ANKRD44: variants seen among roughly 807,000 people sequenced by gnomAD.
ANKRD44 encodes serine/threonine-protein phosphatase 6 regulatory ankyrin repeat subunit B.
In ANKRD44, 35 loss-of-function variants were observed where a neutral mutation model predicts 116.0. The ratio of observed to expected loss-of-function variants is 0.30; its 90% CI spans 0.23 to 0.40. ANKRD44 has a LOEUF of 0.40. Ranked by LOEUF, ANKRD44 falls within the 10% of genes least tolerant of loss-of-function variation. ANKRD44 has a pLI of 1.00. For synonymous variants in ANKRD44, 435 were observed against 461.8 expected, an observed-to-expected ratio of 0.94 and a Z score of 0.74; for missense variants, 1,014 against 1,242.6, an observed-to-expected ratio of 0.82 and a Z score of 2.77.
At chr2:197,277,426 G>A (rs2083123773) in intron 1 of ANKRD44, among the ~76,000 whole-genome samples, 2 of 152,108 alleles carry the variant, frequency 1.3e-5, no homozygotes, top group African/African-American at 2.4e-5. Context: ...TGGAGGAGGT[G>A]TCTTGCAAAG....
intron 16 of ANKRD44, among the ~76,000 whole-genome samples, chr2:197,040,484 A>C (rs1325452675): frequency 7.3e-6 from 1 of 136,798 alleles, no homozygotes; most frequent in Non-Finnish European, 1.5e-5. Context: ...TCAAGTGATT[A>C]TCCTGCCTCA....
At chr2:197,069,101 T>C (rs961087852) in intron 16 of ANKRD44, among the ~76,000 whole-genome samples, 1 of 152,146 alleles carries the variant, frequency 6.6e-6, no homozygotes, top group African/African-American at 2.4e-5. Flanking sequence ...ACATACACCA[T>C]GGAATACTAT....
At chr2:197,084,903 T>C (rs2077885152) in intron 13 of ANKRD44, among the ~76,000 whole-genome samples, 2 of 152,296 alleles carry the variant, frequency 1.3e-5, no homozygotes, top group South Asian at 4.1e-4. Context: ...CATGTATAAA[T>C]CATTTAGTTT....
At chr2:197,103,664 C>G (rs1277818033) in intron 9 of ANKRD44, among the ~76,000 whole-genome samples, 1 of 152,070 alleles carries the variant, frequency 6.6e-6, no homozygotes, top group African/African-American at 2.4e-5. Flanking sequence ...TGATACATTT[C>G]TTTTAAGTAC....
intron 11 of ANKRD44, 23 bp downstream of exon 11, chr2:197,089,927 T>A: frequency 6.2e-7 from 1 of 1,606,702 alleles, no homozygotes; most frequent in South Asian, 1.1e-5. Flanking sequence ...TTAAGCCTCA[T>A]CTCTGCTAAC....
intron 1 of ANKRD44, among the ~76,000 whole-genome samples, chr2:197,280,890 T>G (rs573533074): frequency 1.3e-5 from 2 of 152,214 alleles, no homozygotes; most frequent in Non-Finnish European, 2.9e-5. Flanking sequence ...AGATGTTGTT[T>G]GTCTTTACTT....
In ANKRD44 at chr2:196,971,597, T is replaced by C. The variant is rs1311582809; in HGVS notation, c.2369-4151A>G. On this transcript the variant is annotated intron_variant, in intron 21 of 21. Transcript: ENST00000424317. Reference sequence around the variant, plus strand: ...ATTACATTAAGATTTTCTTGAGTTTTTTCTACTACCAAAAAATGCAATAAA... The same window carrying C: ...ATTACATTAAGATTTTCTTGAGTTTCTTCTACTACCAAAAAATGCAATAAA... Among the ~76,000 whole-genome samples, 7 of 152,326 alleles carry C rather than the reference T, an allele frequency of 4.6e-5. No individual in the cohort carries two copies. The East Asian group carries it at 1.3e-3, about 29-fold the overall frequency.
intron 1 of ANKRD44, among the ~76,000 whole-genome samples, chr2:197,217,512 T>C (rs2081477750): frequency 6.6e-6 from 1 of 152,212 alleles, no homozygotes; most frequent in African/African-American, 2.4e-5. Flanking sequence ...TAGACTCTCC[T>C]GCAGAGGCAG....
intron 6 of ANKRD44, 141 bp downstream of exon 6, chr2:197,125,240 A>G (rs557434316): frequency 1.3e-6 from 1 of 755,612 alleles, no homozygotes; most frequent in Admixed American, 2.3e-5. Context: ...CATGCCAGTA[A>G]AACCAACCAA....
chr2:197,152,674 G>C (rs1254272276), intron 2 of ANKRD44, among the ~76,000 whole-genome samples: 5 of 152,210 alleles, frequency 3.3e-5, no homozygotes, highest in Admixed American at 6.5e-5. Context: ...AGTTTGACAT[G>C]GGCAGAGAGG....
chr2:197,225,570 C>T (rs2081688415), intron 1 of ANKRD44, among the ~76,000 whole-genome samples: 1 of 152,196 alleles, frequency 6.6e-6, no homozygotes, highest in Non-Finnish European at 1.5e-5. Flanking sequence ...TTTTGAACTC[C>T]TGACCTCAAG....
chr2:197,303,361 A>G (rs1357118230), intron 1 of ANKRD44, among the ~76,000 whole-genome samples: 1 of 152,250 alleles, frequency 6.6e-6, no homozygotes, highest in Non-Finnish European at 1.5e-5. Flanking sequence ...GAAGGCCAGG[A>G]CTTACCCCAA....
intron 21 of ANKRD44, among the ~76,000 whole-genome samples, chr2:196,978,730 C>T (rs935644192): frequency 1.3e-5 from 2 of 151,192 alleles, no homozygotes; most frequent in Non-Finnish European, 2.9e-5. Flanking sequence ...AAACCATCAA[C>T]GTGTATCCTT....
At chr2:197,280,638 C>T (rs2083236768) in intron 1 of ANKRD44, among the ~76,000 whole-genome samples, 1 of 152,152 alleles carries the variant, frequency 6.6e-6, no homozygotes, top group Admixed American at 6.5e-5. Context: ...TCTTGATAAG[C>T]CTCGCGGATG....
chr2:197,096,005 C>T (rs1302567518), intron 10 of ANKRD44, among the ~76,000 whole-genome samples: 1 of 152,140 alleles, frequency 6.6e-6, no homozygotes, highest in African/African-American at 2.4e-5. Flanking sequence ...TAAGTATATA[C>T]TGAGGATCTA....
At chr2:196,993,229 C>T (rs1412431297) in intron 27 of ANKRD44, among the ~76,000 whole-genome samples, 3 of 152,186 alleles carry the variant, frequency 2.0e-5, no homozygotes, top group Admixed American at 2.0e-4. Context: ...CTTGAGCATG[C>T]ATTAATGACA....
Position 196,973,417 on chromosome 2 carries a change from C to T in ANKRD44, c.2369-5971G>A, listed in dbSNP as rs1273193436. 4.6e-5 allele frequency among the ~76,000 whole-genome samples: 7 copies of T among 152,038 alleles called. No individual in the cohort carries two copies. In the East Asian group the frequency reaches 1.4e-3, roughly 29 times the overall value. On this transcript the variant is annotated intron_variant, in intron 21 of 21. Transcript: ENST00000424317. Reference sequence around the variant, plus strand: ...TTAACTTTGCTTATGATGATATTACCATCCAAAATTTCACATTTTTATATA... The same window carrying T: ...TTAACTTTGCTTATGATGATATTACTATCCAAAATTTCACATTTTTATATA...
chr2:197,090,494 CTTTTT>C (rs372830692), intron 10 of ANKRD44, among the ~76,000 whole-genome samples: 1 of 138,146 alleles, frequency 7.2e-6, no homozygotes, highest in Non-Finnish European at 1.6e-5. Context: ...TTTCTTTTCA[CTTTTT>C]TTTTTTTTTT....
chr2:197,007,765 T>TA, intron 20 of ANKRD44, 41 bp downstream of exon 20: 2 of 1,314,582 alleles, frequency 1.5e-6, no homozygotes, highest in East Asian at 2.3e-5. Flanking sequence ...ACAAGCTCAT[T>TA]AAAAAAATTG....
Sources: allele counts gnomAD v4.1 joint callset (sites outside exome capture counted in the v4.1 genomes callset), GRCh38; gene constraint gnomAD v4.1.1; transcripts MANE v1.5; gene names NCBI Gene and HGNC (gene_info 2026-07-23, HGNC 2026-07-21).